Variants in GIPC2 observed in about 807,000 individuals in gnomAD.
The protein encoded by GIPC2 is GIPC PDZ domain containing family member 2, also known as PDZ domain-containing protein GIPC2.
In GIPC2, 30 loss-of-function variants were observed where a neutral mutation model predicts 30.6. That is an observed-to-expected ratio of 0.98 (90% confidence interval 0.73 to 1.33). The LOEUF (loss-of-function observed/expected upper bound fraction) is 1.33. GIPC2 is among the 40% of genes most tolerant of loss of function. The pLI is 0.00. For synonymous variants in GIPC2, 167 were observed against 150.0 expected (o/e 1.11, Z -0.83); for missense variants, 414 against 390.3 (o/e 1.06, Z -0.51).
At chr1:78,074,000 ACTGT>A (rs1481928584) in intron 1 of GIPC2, among the ~76,000 whole-genome samples, 3 of 152,158 alleles carry the variant, frequency 2.0e-5, no homozygotes, top group Admixed American at 6.5e-5. Flanking sequence ...CAGCAAGAAA[ACTGT>A]CTGCAAGTTA....
chr1:78,051,193 A>T (rs1661191561), intron 1 of GIPC2, among the ~76,000 whole-genome samples: 1 of 152,138 alleles, frequency 6.6e-6, no homozygotes, highest in African/African-American at 2.4e-5. Context: ...AATGTAAAAA[A>T]AAAAAGAAAT....
chr1:78,072,880 C>A (rs770956369), intron 1 of GIPC2, among the ~76,000 whole-genome samples: 2 of 152,004 alleles, frequency 1.3e-5, no homozygotes, highest in Admixed American at 6.6e-5. Flanking sequence ...TCTTGGCTCA[C>A]TGCAAGCTCT....
chr1:78,116,800 G>A (rs896746609), intron 3 of GIPC2, among the ~76,000 whole-genome samples: 1 of 152,294 alleles, frequency 6.6e-6, no homozygotes. Flanking sequence ...ATTGTGAATA[G>A]TGCTGCAGTA....
rs568773804 is a variant in GIPC2, at chr1:78,090,430, G to A, written c.427-4522G>A. On this transcript the variant is annotated intron_variant, in intron 2 of 5. Transcript: ENST00000370759. The stretch of plus-strand genomic sequence containing the variant: ...GGCTGGTCTTGAACTCCTGACTTCA[G>A]GTGATCTGCCCGCCTCACCCTCCCA... Among the ~76,000 whole-genome samples, 44 of 152,108 alleles carry A rather than the reference G, an allele frequency of 2.9e-4. 1 individual carries two copies. Among genetic ancestry groups the A allele is most frequent in the African/African-American group, 1.1e-3 (44 of 41,474 alleles).
chr1:78,061,361 C>T (rs1420584458), intron 1 of GIPC2, among the ~76,000 whole-genome samples: 1 of 152,150 alleles, frequency 6.6e-6, no homozygotes, highest in Non-Finnish European at 1.5e-5. Context: ...AACTGGCCTT[C>T]ATTACTCATC....
chr1:78,048,492 TTATAGCTCAC>T (rs1661138080), intron 1 of GIPC2, among the ~76,000 whole-genome samples: 1 of 152,026 alleles, frequency 6.6e-6, no homozygotes, highest in East Asian at 1.9e-4. Flanking sequence ...AGTGGTGCGA[TTATAGCTCAC>T]TATAGCTTCA....
Position 78,046,267 on chromosome 1 carries a change from A to C in GIPC2, c.173A>C (p.Glu58Ala). 6.2e-7 allele frequency: 1 copy of C among 1,611,542 alleles called. No homozygotes were observed. Among genetic ancestry groups the C allele is most frequent in the Non-Finnish European group, 8.5e-7 (1 of 1,179,312 alleles). Residue 58 changes from glutamate to alanine, a missense_variant, in exon 1 of 6, where the codon GAG (glutamate) becomes GCG (alanine). Transcript: ENST00000370759. ...LAHGSATGRVEGFSSIQELYA... is the reference protein window; with the variant it reads ...LAHGSATGRVAGFSSIQELYA... ...CACGGTAGTGCCACGGGCCGAGTGGAGGGCTTCTCCAGCATCCAGGAGCTC... is the reference window on the plus strand; with the variant it reads ...CACGGTAGTGCCACGGGCCGAGTGGCGGGCTTCTCCAGCATCCAGGAGCTC...
At chr1:78,062,674 T>G (rs1661416306) in intron 1 of GIPC2, among the ~76,000 whole-genome samples, 1 of 147,446 alleles carries the variant, frequency 6.8e-6, no homozygotes, top group Non-Finnish European at 1.5e-5. Context: ...CCCAGCTAAT[T>G]TTTTTTTTTT....
intron 3 of GIPC2, among the ~76,000 whole-genome samples, chr1:78,100,890 A>T (rs1662233247): frequency 6.8e-6 from 1 of 147,932 alleles, no homozygotes; most frequent in Admixed American, 6.8e-5. Context: ...AGATCACGCC[A>T]CTGCACTCCA....
intron 3 of GIPC2, among the ~76,000 whole-genome samples, chr1:78,114,075 C>A (rs1571518579): frequency 6.6e-6 from 1 of 152,296 alleles, no homozygotes; most frequent in South Asian, 2.1e-4. Context: ...TGTGCAACTC[C>A]ACTGTGGGAG....
At chr1:78,101,597 A>C (rs1378621729) in intron 3 of GIPC2, among the ~76,000 whole-genome samples, 1 of 152,152 alleles carries the variant, frequency 6.6e-6, no homozygotes, top group African/African-American at 2.4e-5. Flanking sequence ...TCCCTTGTTG[A>C]AAGTTTGTAG....
intron 1 of GIPC2, among the ~76,000 whole-genome samples, chr1:78,070,250 A>G (rs1163905524): frequency 6.6e-6 from 1 of 152,024 alleles, no homozygotes; most frequent in African/African-American, 2.4e-5. Flanking sequence ...TATAATTATG[A>G]TGTTTTATAA....
intron 1 of GIPC2, among the ~76,000 whole-genome samples, chr1:78,049,514 AATAG>A (rs1661156060): frequency 2.0e-5 from 3 of 152,182 alleles, no homozygotes; most frequent in Non-Finnish European, 4.4e-5. Flanking sequence ...AATGGGATTG[AATAG>A]ATAGTTAACT....
rs141644337 is a variant in GIPC2 at position 78,063,504 on chromosome 1, CA to C, written c.241-17161del. Among the ~76,000 whole-genome samples, 568 of 145,316 alleles carry C rather than the reference CA, an allele frequency of 3.9e-3. 4 individuals are homozygous for C. Among genetic ancestry groups the C allele is most frequent in the African/African-American group, 0.013 (529 of 39,628 alleles). On this transcript the variant is annotated intron_variant, in intron 1 of 5. Coordinates refer to ENST00000370759, the MANE Select transcript of GIPC2 (RefSeq NM_017655.6). ...CTAAACTCCATCTCAAAAAAACAAA[CA>C]AAAAAAAAACCAAAACAAAAAACAT... is the stretch of plus-strand genomic sequence containing the variant.
chr1:78,082,648 C>T (rs1200977298), intron 2 of GIPC2, among the ~76,000 whole-genome samples: 1 of 152,170 alleles, frequency 6.6e-6, no homozygotes, highest in African/African-American at 2.4e-5. Context: ...AATGCTTTGT[C>T]AAACATGTGC....
chr1:78,045,475 G>A (rs1165617091), upstream of GIPC2: 17 of 746,222 alleles, frequency 2.3e-5, no homozygotes, highest in African/African-American at 3.8e-5. Context: ...TGTTGGGAGA[G>A]GAAGCAGCCC....
At chr1:78,075,643 A>G (rs1335336807) in intron 1 of GIPC2, among the ~76,000 whole-genome samples, 1 of 152,244 alleles carries the variant, frequency 6.6e-6, no homozygotes, top group Non-Finnish European at 1.5e-5. Context: ...ACAGAGGAAG[A>G]AAGGGACTGT....
chr1:78,072,836 G>T (rs1437751437), intron 1 of GIPC2, among the ~76,000 whole-genome samples: 2 of 151,902 alleles, frequency 1.3e-5, no homozygotes, highest in African/African-American at 2.4e-5. Context: ...ACAGAGCCTT[G>T]CTCTGTCGCC....
intron 3 of GIPC2, among the ~76,000 whole-genome samples, chr1:78,118,006 T>G (rs1028385231): frequency 2.0e-5 from 3 of 151,888 alleles, no homozygotes; most frequent in African/African-American, 7.3e-5. Context: ...CACTGCAGCC[T>G]TGACCACCTG....
Sources: allele counts gnomAD v4.1 joint callset (sites outside exome capture counted in the v4.1 genomes callset), GRCh38; gene constraint gnomAD v4.1.1; transcripts MANE v1.5; gene names NCBI Gene and HGNC (gene_info 2026-07-23, HGNC 2026-07-21).